The following CNTNAP2 variants were observed in gnomAD, a reference collection of about 807,000 sequenced individuals.
CNTNAP2 encodes contactin associated protein 2.
Under a neutral mutation model 155.2 loss-of-function variants are expected in CNTNAP2, and 98 were observed. That is an observed-to-expected ratio of 0.63 (90% CI 0.54 to 0.75). The LOEUF (loss-of-function observed/expected upper bound fraction) is 0.75, where lower values mean the gene tolerates loss of function less well. Among genes scored for constraint, CNTNAP2 ranks in the 30% least tolerant of loss-of-function variants. The pLI is 0.00. For synonymous variants in CNTNAP2, 651 were observed against 631.2 expected, an observed-to-expected ratio of 1.03 and a Z score of -0.47; for missense variants, 1,727 against 1,688.1, an observed-to-expected ratio of 1.02 and a Z score of -0.40.
intron 13 of CNTNAP2, among the ~76,000 whole-genome samples, chr7:147,698,688 T>A (rs1796194757): frequency 6.6e-6 from 1 of 152,036 alleles, no homozygotes; most frequent in Admixed American, 6.6e-5. Flanking sequence ...AGCCTCCCAG[T>A]TATCTGGGGC....
At chr7:148,069,766 A>AC (rs1274353242) in intron 15 of CNTNAP2, among the ~76,000 whole-genome samples, 1 of 151,836 alleles carries the variant, frequency 6.6e-6, no homozygotes, top group African/African-American at 2.4e-5. Flanking sequence ...TCTCAAAAAA[A>AC]AAAAAAAAAA....
intron 5 of CNTNAP2, among the ~76,000 whole-genome samples, chr7:147,119,641 A>C (rs2129282390): frequency 6.6e-6 from 1 of 152,276 alleles, no homozygotes; most frequent in Non-Finnish European, 1.5e-5. Flanking sequence ...TCATCACCAT[A>C]AAAGAAGAAA....
intron 1 of CNTNAP2, among the ~76,000 whole-genome samples, chr7:146,720,878 A>C (rs1801275430): frequency 6.9e-6 from 1 of 145,860 alleles, no homozygotes; most frequent in African/African-American, 2.5e-5. Flanking sequence ...TATATATTCT[A>C]TATATATACT....
intron 1 of CNTNAP2, among the ~76,000 whole-genome samples, chr7:146,299,451 A>G (rs1800569123): frequency 6.6e-6 from 1 of 152,090 alleles, no homozygotes. Flanking sequence ...TGTCACGATC[A>G]TAGCTCACAG....
intron 1 of CNTNAP2, among the ~76,000 whole-genome samples, chr7:146,600,513 C>A (rs549644782): frequency 6.6e-6 from 1 of 152,166 alleles, no homozygotes; most frequent in East Asian, 1.9e-4. Context: ...TAATCATATT[C>A]TAAAAGGTGA....
At chr7:146,803,551 C>A (rs1397264380) in intron 2 of CNTNAP2, among the ~76,000 whole-genome samples, 2 of 152,070 alleles carry the variant, frequency 1.3e-5, no homozygotes, top group Admixed American at 1.3e-4. Flanking sequence ...AATAAATTTG[C>A]ATTAAACAAA....
intron 1 of CNTNAP2, among the ~76,000 whole-genome samples, chr7:146,555,155 T>C (rs62481788): frequency 0.012 from 1,773 of 152,258 alleles, 8 homozygotes; most frequent in South Asian, 0.025. Flanking sequence ...TAAGTCCCTC[T>C]TTCCCATTTT....
chr7:146,485,704 C>A (rs1255705875), intron 1 of CNTNAP2, among the ~76,000 whole-genome samples: 1 of 151,726 alleles, frequency 6.6e-6, no homozygotes, highest in Non-Finnish European at 1.5e-5. Context: ...CTCACTGCAG[C>A]CTCCACCTCG....
intron 8 of CNTNAP2, among the ~76,000 whole-genome samples, chr7:147,200,748 A>G (rs1802906057): frequency 6.6e-6 from 1 of 152,222 alleles, no homozygotes; most frequent in Non-Finnish European, 1.5e-5. Flanking sequence ...TGTTCTGTGT[A>G]TGCAGGAGGG....
intron 13 of CNTNAP2, among the ~76,000 whole-genome samples, chr7:147,670,146 G>T (rs187589202): frequency 5.6e-4 from 85 of 152,282 alleles, no homozygotes; most frequent in African/African-American, 1.9e-3. Flanking sequence ...ACAGAGAAAA[G>T]CTCTGAAACA....
At chr7:148,100,117 G>A (rs1014002245) in intron 15 of CNTNAP2, among the ~76,000 whole-genome samples, 4 of 151,746 alleles carry the variant, frequency 2.6e-5, no homozygotes, top group African/African-American at 4.8e-5. Flanking sequence ...TGATCCACTC[G>A]CCTCAGCCTC....
rs1563177939 is a variant in CNTNAP2 at position 147,368,024 on chromosome 7, CCCCT to C, written c.1499-27582_1499-27579del. On this transcript the variant is annotated intron_variant, in intron 9 of 23. Transcript: ENST00000361727. ...TCTGTCTCTCTCTCTCCCCCCCCTCCCCCTCCTCCTCTGTCCCCCTCCCTCCCTC... is the reference window on the plus strand; with the variant it reads ...TCTGTCTCTCTCTCTCCCCCCCCTCCCCTCCTCTGTCCCCCTCCCTCCCTC... Among the ~76,000 whole-genome samples, 285 of 120,084 alleles carry C rather than the reference CCCCT, an allele frequency of 2.4e-3. 2 individuals carry two copies. Among genetic ancestry groups the C allele is most frequent in the Non-Finnish European group, 2.7e-3 (153 of 57,140 alleles). The allele number at this position is 120,084 out of a possible 152,430, so 78.8% of individuals were successfully genotyped here.
At chr7:147,696,376 C>T (rs1267328755) in intron 13 of CNTNAP2, among the ~76,000 whole-genome samples, 20 of 151,822 alleles carry the variant, frequency 1.3e-4, no homozygotes, top group Admixed American at 1.3e-3. Context: ...AAGTGGTTGC[C>T]CTAGGGTTTG....
rs1799895833 is a variant in CNTNAP2 at position 148,413,404 on chromosome 7, ATATATATATATATATATATAT to A, written c.3797-2012_3797-1992del. On this transcript the variant is annotated intron_variant, in intron 23 of 23. Transcript: ENST00000361727. ...TGAAACTCCGTCTCAAAAAAAAAAT[ATATATATATATATATATATAT>A]ATATATATATATATATATATATTGC... Among the ~76,000 whole-genome samples the A allele has an allele frequency of 2.8e-4, 7 of 24,640 alleles. 2 individuals carry two copies. Among genetic ancestry groups the A allele is most frequent in the African/African-American group, 7.7e-4 (6 of 7,810 alleles). The allele number at this position is 24,640 out of a possible 152,430, so 16.2% of individuals were successfully genotyped here. A position where few individuals can be genotyped will look rare whatever the true frequency, so the allele number is the denominator to read the frequency against.
chr7:147,013,333 T>A (rs1355999808), intron 3 of CNTNAP2, among the ~76,000 whole-genome samples: 1 of 152,110 alleles, frequency 6.6e-6, no homozygotes, highest in Non-Finnish European at 1.5e-5. Context: ...GAAGGAAATA[T>A]TAAAACTTCC....
chr7:147,218,916 C>T (rs1047428763), intron 8 of CNTNAP2, among the ~76,000 whole-genome samples: 21 of 152,306 alleles, frequency 1.4e-4, no homozygotes, highest in African/African-American at 5.1e-4. Flanking sequence ...TTGTTAGGCA[C>T]ATACATGTTA....
chr7:147,994,201 T>C (rs1416439996), intron 15 of CNTNAP2, among the ~76,000 whole-genome samples: 4 of 151,978 alleles, frequency 2.6e-5, no homozygotes, highest in African/African-American at 7.3e-5. Context: ...CAAGACCCTG[T>C]ATTTACAAAA....
intron 1 of CNTNAP2, among the ~76,000 whole-genome samples, chr7:146,457,194 G>T (rs577507654): frequency 0.027 from 4,131 of 151,706 alleles, 134 homozygotes; most frequent in African/African-American, 0.073. Flanking sequence ...AGATAATTCT[G>T]CAGTCACAGA....
At chr7:146,339,671 T>C (rs11978155) in intron 1 of CNTNAP2, among the ~76,000 whole-genome samples, 18,924 of 152,090 alleles carry the variant, frequency 0.12, 2,240 homozygotes, top group African/African-American at 0.31. Context: ...ATAACTTAGG[T>C]CTATATGGAA....
Sources: allele counts gnomAD v4.1 joint callset (sites outside exome capture counted in the v4.1 genomes callset), GRCh38; gene constraint gnomAD v4.1.1; transcripts MANE v1.5; gene names NCBI Gene and HGNC (gene_info 2026-07-23, HGNC 2026-07-21).